Variants in KHDRBS3 observed in about 807,000 individuals in gnomAD.
The protein encoded by KHDRBS3 is KH domain-containing, RNA-binding, signal transduction-associated protein 3.
In KHDRBS3, 23 loss-of-function variants were observed where a neutral mutation model predicts 45.6. The ratio of observed to expected loss-of-function variants is 0.50; its 90% CI spans 0.36 to 0.72. The LOEUF is 0.72. Ranked by LOEUF, KHDRBS3 falls within the 30% of genes least tolerant of loss-of-function variation. The pLI, the probability that KHDRBS3 is intolerant of heterozygous loss-of-function variation, is 0.00. For missense variants in KHDRBS3, 352 were observed against 424.8 expected, an observed-to-expected ratio of 0.83 and a Z score of 1.51; for synonymous variants, 162 against 156.5, an observed-to-expected ratio of 1.04 and a Z score of -0.26.
intron 3 of KHDRBS3, among the ~76,000 whole-genome samples, chr8:135,543,343 A>G (rs1445325831): frequency 1.3e-5 from 2 of 152,098 alleles, no homozygotes; most frequent in Non-Finnish European, 2.9e-5. Flanking sequence ...TTTATTGATC[A>G]TTTTCTTAAA....
chr8:135,506,404 CTTTTTTTTT>C (rs35050617), intron 1 of KHDRBS3, among the ~76,000 whole-genome samples: 3 of 139,794 alleles, frequency 2.1e-5, no homozygotes, highest in African/African-American at 7.8e-5. Flanking sequence ...TAACATTCCT[CTTTTTTTTT>C]TTTTTTTTGA....
At chr8:135,558,165 G>C (rs1269907622) in intron 5 of KHDRBS3, among the ~76,000 whole-genome samples, 1 of 151,862 alleles carries the variant, frequency 6.6e-6, no homozygotes, top group East Asian at 1.9e-4. Context: ...CCACATGCTT[G>C]TTGTAATTTT....
intron 7 of KHDRBS3, among the ~76,000 whole-genome samples, chr8:135,636,244 T>C (rs1291064772): frequency 6.6e-6 from 1 of 152,180 alleles, no homozygotes; most frequent in African/African-American, 2.4e-5. Context: ...TGCCCCAGAA[T>C]TGCTTTCAAG....
At chr8:135,580,133 C>A (rs530180892) in intron 5 of KHDRBS3, among the ~76,000 whole-genome samples, 3 of 152,290 alleles carry the variant, frequency 2.0e-5, no homozygotes, top group East Asian at 3.9e-4. Context: ...TTTGTCAGGT[C>A]CCAACCAGTG....
chr8:135,542,586 TAAC>T, intron 2 of KHDRBS3, 65 bp from the exon 3 acceptor site: 1 of 996,290 alleles, frequency 1.0e-6, no homozygotes, highest in Non-Finnish European at 1.6e-6. Context: ...CAGTGTTTCT[TAAC>T]ATTCAAGATT....
chr8:135,597,807 C>T (rs1261969672), intron 6 of KHDRBS3, among the ~76,000 whole-genome samples: 1 of 152,046 alleles, frequency 6.6e-6, no homozygotes, highest in Non-Finnish European at 1.5e-5. Context: ...AGTTATTCCT[C>T]CTTTTTCCTA....
chr8:135,484,327 C>G (rs569789086), intron 1 of KHDRBS3, among the ~76,000 whole-genome samples: 1 of 152,220 alleles, frequency 6.6e-6, no homozygotes, highest in Admixed American at 6.5e-5. Flanking sequence ...GCTAGACCTT[C>G]TTCCCTAAGA....
At chr8:135,524,809 T>C (rs915020462) in intron 2 of KHDRBS3, among the ~76,000 whole-genome samples, 1 of 152,172 alleles carries the variant, frequency 6.6e-6, no homozygotes, top group Non-Finnish European at 1.5e-5. Context: ...TTTTTTTATA[T>C]CAGGAATCAT....
intron 6 of KHDRBS3, among the ~76,000 whole-genome samples, chr8:135,595,128 T>C (rs1171031890): frequency 1.3e-5 from 2 of 152,218 alleles, no homozygotes; most frequent in African/African-American, 2.4e-5. Flanking sequence ...TCTGATTTCA[T>C]TTATATAAAG....
intron 3 of KHDRBS3, among the ~76,000 whole-genome samples, chr8:135,548,427 C>T (rs111509253): frequency 0.029 from 4,473 of 152,144 alleles, 212 homozygotes; most frequent in African/African-American, 0.099. Flanking sequence ...GCAGTGGCTG[C>T]GGAGGGTTGA....
At chr8:135,489,923 G>C (rs1002059010) in intron 1 of KHDRBS3, among the ~76,000 whole-genome samples, 1 of 152,086 alleles carries the variant, frequency 6.6e-6, no homozygotes, top group Admixed American at 6.6e-5. Flanking sequence ...TCCATTCATG[G>C]TAAGTGCCTT....
chr8:135,479,867 A>T (rs1822477552), intron 1 of KHDRBS3, among the ~76,000 whole-genome samples: 1 of 152,218 alleles, frequency 6.6e-6, no homozygotes, highest in Non-Finnish European at 1.5e-5. Flanking sequence ...CAAGAAAACT[A>T]CACATCAGTA....
At chr8:135,549,788 G>A (rs1483670696) in intron 4 of KHDRBS3, 1 of 152,190 alleles carries the variant, frequency 6.6e-6, no homozygotes, top group East Asian at 1.9e-4. Flanking sequence ...CATGTACTGT[G>A]ATTATATTAT....
At chr8:135,580,497 T>C (rs1473212139) in intron 5 of KHDRBS3, among the ~76,000 whole-genome samples, 1 of 152,204 alleles carries the variant, frequency 6.6e-6, no homozygotes, top group African/African-American at 2.4e-5. Context: ...GTCACATTCA[T>C]GTAAGTTAAA....
chr8:135,499,922 T>A (rs1739661233), intron 1 of KHDRBS3, among the ~76,000 whole-genome samples: 1 of 152,224 alleles, frequency 6.6e-6, no homozygotes, highest in South Asian at 2.1e-4. Context: ...AATATGAAGT[T>A]GTTTTGAGAC....
rs184709954 is a variant in KHDRBS3, at chr8:135,487,794, G to A, written c.88+29840G>A. Among the ~76,000 whole-genome samples, 960 of 152,262 alleles carry A rather than the reference G, an allele frequency of 6.3e-3. 8 individuals are homozygous for A. The highest frequency in any genetic ancestry group is 0.024 in the Middle Eastern group (7 of 294). ...TGTAAGGAAGGGAGAGAGGATGAGC[G>A]AGAACGTTCAATGTGACTAATTCCA... On this transcript the variant is annotated intron_variant, in intron 1 of 8. Coordinates refer to ENST00000355849, the MANE Select transcript of KHDRBS3 (RefSeq NM_006558.3).
intron 5 of KHDRBS3, among the ~76,000 whole-genome samples, chr8:135,562,568 G>C (rs1249099714): frequency 6.6e-6 from 1 of 152,082 alleles, no homozygotes; most frequent in Non-Finnish European, 1.5e-5. Flanking sequence ...GGTAACTAAT[G>C]ATAGGTGGTA....
Position 135,478,913 on chromosome 8 carries a change from A to G in KHDRBS3, c.88+20959A>G, listed in dbSNP as rs1419643722. On this transcript the variant is annotated intron_variant, in intron 1 of 8. Transcript: ENST00000355849. ...TCCATCTTAAGACACTGGAGAGCAAATGTGAAGTAAGCAGAATGAAGGAAA... is the reference window on the plus strand; with the variant it reads ...TCCATCTTAAGACACTGGAGAGCAAGTGTGAAGTAAGCAGAATGAAGGAAA... Among the ~76,000 whole-genome samples, 4 of 152,336 alleles carry G rather than the reference A, an allele frequency of 2.6e-5. No individual in the cohort carries two copies. In the East Asian group the frequency reaches 5.8e-4, roughly 22 times the overall value.
chr8:135,539,965 C>T (rs1459254594), intron 2 of KHDRBS3: 1 of 152,122 alleles, frequency 6.6e-6, no homozygotes, highest in East Asian at 1.9e-4. Flanking sequence ...TTTCTATGGA[C>T]TTCAGATTCT....
Sources: gnomAD v4.1 joint callset for allele counts (sites outside exome capture counted in the v4.1 genomes callset) on GRCh38, gnomAD v4.1.1 for gene constraint, MANE v1.5 for transcripts, NCBI Gene and HGNC (gene_info 2026-07-23, HGNC 2026-07-21) for gene names.